The following SPDL1 variants were observed in gnomAD, a reference collection of about 807,000 sequenced individuals.
SPDL1 encodes the protein protein Spindly.
A neutral mutation model predicts 79.5 loss-of-function variants in SPDL1; 85 were observed. The ratio of observed to expected loss-of-function variants is 1.07; its 90% confidence interval spans 0.90 to 1.28. The LOEUF is 1.28. Ranked by LOEUF, SPDL1 falls within the 50% of genes most tolerant of loss-of-function variation. The pLI, the probability that SPDL1 is intolerant of heterozygous loss-of-function variation, is 0.00. For missense variants in SPDL1, 703 were observed against 697.8 expected (o/e 1.01, Z -0.08); for synonymous variants, 269 against 240.3 (o/e 1.12, Z -1.10).
rs1756081525 is a variant in SPDL1, at chr5:169,604,328, C to A, written c.*121C>A. 9.9e-7 allele frequency: 1 copy of A among 1,008,414 alleles called. No individual in the cohort carries two copies. The highest frequency in any genetic ancestry group is 1.7e-5 in the African/African-American group (1 of 60,580). 62.5% of individuals were successfully genotyped at this position (1,008,414 alleles called of 1,614,324 possible). On this transcript the variant is annotated 3_prime_UTR_variant, in exon 12 of 12. Transcript: ENST00000265295. ...ATTTACTCATTGTGCCAGGACCTGG[C>A]ATTTTCATGTGCCTTTGACCAAGTG...
chr5:169,592,214 CTTT>C (rs397884840), intron 3 of SPDL1, among the ~76,000 whole-genome samples: 1 of 97,042 alleles, frequency 1.0e-5, no homozygotes, highest in Non-Finnish European at 1.9e-5. Flanking sequence ...TTTTTTTTTC[CTTT>C]TTTTTTTTTT....
chr5:169,588,512 G>A lies in SPDL1; in HGVS notation c.96G>A (p.Glu32=), dbSNP rs752798524. Residue 32 remains glutamate (E), a synonymous_variant, in exon 2 of 12, where the codon GAG becomes GAA. Coordinates refer to ENST00000265295, the MANE Select transcript of SPDL1 (RefSeq NM_017785.5). ...KAAQYGLQLV[E]SQNELQNQLD... ...CACAGTATGGTTTACAACTAGTAGA[G>A]AGTCAAAATGAATTACAGAATCAAT... 13 of 1,613,800 alleles carry A rather than the reference G, an allele frequency of 8.1e-6. 1 individual carries two copies. In the South Asian group the frequency reaches 1.4e-4, roughly 18 times the overall value.
At chr5:169,584,572 G>A (rs762354294) in intron 1 of SPDL1, among the ~76,000 whole-genome samples, 1 of 152,210 alleles carries the variant, frequency 6.6e-6, no homozygotes, top group Non-Finnish European at 1.5e-5. Context: ...CATGCAGCCA[G>A]TGAGTAGTGG....
At position 169,601,579 on chromosome 5, in the gene SPDL1, G is replaced by A. The variant is rs575069914; in HGVS notation, c.1624G>A (p.Ala542Thr). ...GAAACTCATAGGAGTTCCCGCTGAC[G>A]CTGAGGCCTTAAGTGAAAGAAGTGG... Reference protein sequence around the residue: ...CVKLIGVPADAEALSERSGNT... With the variant: ...CVKLIGVPADTEALSERSGNT... The change falls in exon 11 of 12, where the codon GCT (alanine) becomes ACT (threonine). Residue 542 changes from alanine (A) to threonine (T), a missense_variant. By Grantham distance (58) the Ala-to-Thr change is moderately conservative. Coordinates refer to ENST00000265295, the MANE Select transcript of SPDL1 (RefSeq NM_017785.5). The A allele has an allele frequency of 9.3e-6, 15 of 1,614,172 alleles. No individual in the cohort carries two copies. Among genetic ancestry groups the A allele is most frequent in the Admixed American group, 8.3e-5 (5 of 60,016 alleles).
Position 169,596,585 on chromosome 5 carries a change from A to T in SPDL1, c.916A>T (p.Met306Leu). The change falls in exon 8 of 12, where the codon ATG becomes TTG. Residue 306 changes from methionine to leucine, a missense_variant. Coordinates refer to ENST00000265295, the MANE Select transcript of SPDL1 (RefSeq NM_017785.5). Reference sequence around the variant, plus strand: ...GTTACAAATTGCCACGTTGCTACAGATGAAAGGGTCTCAAACTGAATTTGA... The same window carrying T: ...GTTACAAATTGCCACGTTGCTACAGTTGAAAGGGTCTCAAACTGAATTTGA... ...MKLQIATLLQ[M>L]KGSQTEFEQQ... The T allele has an allele frequency of 2.5e-6, 4 of 1,612,024 alleles. No homozygotes were observed. The highest frequency in any genetic ancestry group is 3.4e-6 in the Non-Finnish European group (4 of 1,179,276).
At chr5:169,599,183 G>A in intron 10 of SPDL1, 24 bp downstream of exon 10, 1 of 1,331,600 alleles carries the variant, frequency 7.5e-7, no homozygotes, top group Non-Finnish European at 1.0e-6. Context: ...ATATATTTTT[G>A]TCTTTTAAAT....
intron 11 of SPDL1, among the ~76,000 whole-genome samples, chr5:169,602,502 A>G (rs1755987710): frequency 6.6e-6 from 1 of 152,230 alleles, no homozygotes; most frequent in African/African-American, 2.4e-5. Flanking sequence ...TGAAGGTGCT[A>G]CTAGGGCTAC....
intron 11 of SPDL1, 88 bp downstream of exon 11, chr5:169,601,713 C>T (rs1212159990): frequency 2.5e-6 from 3 of 1,203,954 alleles, no homozygotes; most frequent in Admixed American, 2.0e-5. Context: ...GTTTCTTTAT[C>T]TACTTTCTTA....
chr5:169,585,569 A>T (rs1276097771), intron 1 of SPDL1, among the ~76,000 whole-genome samples: 1 of 152,216 alleles, frequency 6.6e-6, no homozygotes, highest in African/African-American at 2.4e-5. Flanking sequence ...GAGATAATAT[A>T]TTTGAAGCAG....
intron 8 of SPDL1, among the ~76,000 whole-genome samples, chr5:169,597,342 C>T (rs1214625421): frequency 6.6e-6 from 1 of 151,916 alleles, no homozygotes; most frequent in Non-Finnish European, 1.5e-5. Context: ...ATCTTGATCC[C>T]AGTGATTTGA....
At position 169,596,652 on chromosome 5, in the gene SPDL1, G is replaced by A; in HGVS notation, c.983G>A (p.Gly328Asp). ...CTTGCCATGTTGGAGCAGAAGAATG[G>A]TGAAATAAAACATCTTTTAGGTGAA... ...RLLAMLEQKN[G>D]EIKHLLGEIR... Residue 328 changes from glycine to aspartate, a missense_variant, in exon 8 of 12, where the codon GGT becomes GAT. Gly to Asp is a moderately conservative substitution (Grantham distance 94). Coordinates refer to ENST00000265295, the MANE Select transcript of SPDL1 (RefSeq NM_017785.5). The A allele has an allele frequency of 6.2e-7, 1 of 1,605,544 alleles. No homozygotes were observed. Among genetic ancestry groups the A allele is most frequent in the Non-Finnish European group, 8.5e-7 (1 of 1,177,536 alleles).
chr5:169,594,733 T>A (rs773438401), intron 7 of SPDL1, 52 bp downstream of exon 7: 1 of 1,232,472 alleles, frequency 8.1e-7, no homozygotes, highest in Non-Finnish European at 1.2e-6. Context: ...GTGTCAGCAT[T>A]ACATGTATGA....
intron 10 of SPDL1, 89 bp from the exon 11 acceptor site, chr5:169,601,191 G>A (rs1045692102): frequency 8.9e-6 from 10 of 1,120,682 alleles, no homozygotes; most frequent in East Asian, 2.5e-5. Context: ...ATGGAAAAAG[G>A]TATACATATA....
At chr5:169,592,095 T>C (rs755262693) in intron 3 of SPDL1, among the ~76,000 whole-genome samples, 2 of 152,194 alleles carry the variant, frequency 1.3e-5, no homozygotes, top group Non-Finnish European at 2.9e-5. Flanking sequence ...GCTTCTTGTA[T>C]AGCAGCCTCT....
chr5:169,588,555 G>A lies in SPDL1; in HGVS notation c.139G>A (p.Glu47Lys). The change falls in exon 2 of 12, where the codon GAA becomes AAA. Residue 47 changes from glutamate to lysine, a missense_variant. Transcript: ENST00000265295. ...LQNQLDKCRN[E>K]MMTMTESYEQ... ...GAATCAATTGGATAAATGTCGTAAT[G>A]AAATGATGACCATGACTGAGGTAGG... is the stretch of plus-strand genomic sequence containing the variant. 1 of 1,612,790 alleles carries A rather than the reference G, an allele frequency of 6.2e-7. No individual in the cohort carries two copies. The highest frequency in any genetic ancestry group is 1.7e-5 in the Admixed American group (1 of 59,794).
In SPDL1 at chr5:169,591,053, T is replaced by G. The variant is rs759064907; in HGVS notation, c.165T>G (p.Tyr55Ter). ...RNEMMTMTES[Y>*]EQEKYTLQRE... The stretch of plus-strand genomic sequence containing the variant: ...GTAATTGAATCTGTTTTCAGAGTTA[T>G]GAACAAGAAAAATATACCCTTCAAA... Residue 55 changes from tyrosine (Y) to a stop codon, truncating the protein, a stop_gained, in exon 3 of 12, where the codon TAT becomes TAG. Coordinates refer to ENST00000265295, the MANE Select transcript of SPDL1 (RefSeq NM_017785.5). LOFTEE classifies it high-confidence loss of function. 1 of 1,611,668 alleles carries G rather than the reference T, an allele frequency of 6.2e-7. No individual in the cohort carries two copies. Among genetic ancestry groups the G allele is most frequent in the Admixed American group, 1.7e-5 (1 of 59,566 alleles).
At chr5:169,599,623 G>A (rs184648608) in intron 10 of SPDL1, among the ~76,000 whole-genome samples, 17 of 152,238 alleles carry the variant, frequency 1.1e-4, no homozygotes, top group Non-Finnish European at 1.6e-4. Flanking sequence ...AGCACTCCAC[G>A]GTATCAAGAT....
chr5:169,602,330 G>T (rs1318022321), intron 11 of SPDL1, among the ~76,000 whole-genome samples: 1 of 152,224 alleles, frequency 6.6e-6, no homozygotes, highest in Non-Finnish European at 1.5e-5. Flanking sequence ...AGTTCTGGAT[G>T]TGCGCAGCAG....
In SPDL1 at chr5:169,588,445, G is replaced by A. The variant is rs781266114; in HGVS notation, c.29G>A (p.Arg10Gln). The change falls in exon 2 of 12, where the codon CGA becomes CAA. Residue 10 changes from arginine to glutamine, a missense_variant. Coordinates refer to ENST00000265295, the MANE Select transcript of SPDL1 (RefSeq NM_017785.5). ...GAGGCAGATATAATCACAAATCTTC[G>A]ATGCAGGCTCAAAGAGGCTGAAGAA... MEADIITNLRCRLKEAEEER... is the reference protein window; with the variant it reads MEADIITNLQCRLKEAEEER... 5.0e-6 allele frequency: 8 copies of A among 1,611,524 alleles called. No individual in the cohort carries two copies. Among genetic ancestry groups the A allele is most frequent in the Admixed American group, 1.7e-5 (1 of 59,506 alleles).
Sources: allele counts gnomAD v4.1 joint callset (sites outside exome capture counted in the v4.1 genomes callset), GRCh38; gene constraint gnomAD v4.1.1; transcripts MANE v1.5; gene names NCBI Gene and HGNC (gene_info 2026-07-23, HGNC 2026-07-21).